The following ABCC5 variants were observed in gnomAD, a reference collection of about 807,000 sequenced individuals.
ABCC5 encodes ATP binding cassette subfamily C member 5.
A neutral mutation model predicts 160.9 loss-of-function variants in ABCC5; 61 were observed. The observed-to-expected ratio is 0.38, with a 90% CI of 0.31 to 0.47. ABCC5 has a LOEUF of 0.47. ABCC5 is among the 20% of genes least tolerant of loss of function. ABCC5 has a pLI of 0.99. For missense variants in ABCC5, 1,308 were observed against 1,813.3 expected, an observed-to-expected ratio of 0.72 and a Z score of 5.06; for synonymous variants, 666 against 700.6, an observed-to-expected ratio of 0.95 and a Z score of 0.78.
intron 14 of ABCC5, 118 bp downstream of exon 14, chr3:183,965,067 G>A: frequency 1.0e-6 from 1 of 1,000,230 alleles, no homozygotes; most frequent in Non-Finnish European, 1.5e-6. Context: ...AAGGCCTAAT[G>A]ACAGCCTAAC....
rs61449343 is a variant in ABCC5 at position 183,931,324 on chromosome 3, CT to C, written c.3855-2500del. On this transcript the variant is annotated intron_variant, in intron 26 of 29. Transcript: ENST00000334444. ...TGGGCAAATACGACAACAGGCTTAA[CT>C]TTTTTTTTTTTTTTTTTTTGAGACA... Among the ~76,000 whole-genome samples the C allele has an allele frequency of 4.5e-3, 597 of 131,508 alleles. 1 individual carries two copies. The highest frequency in any genetic ancestry group is 0.011 in the African/African-American group (406 of 35,336). 86.3% of individuals were successfully genotyped at this position (131,508 alleles called of 152,430 possible).
intron 8 of ABCC5, 112 bp from the exon 9 acceptor site, chr3:183,978,763 T>G: frequency 8.5e-7 from 1 of 1,174,024 alleles, no homozygotes. Flanking sequence ...TCAACACCTA[T>G]GACTATCAAC....
At chr3:183,947,854 G>C (rs1348946736) in intron 22 of ABCC5, among the ~76,000 whole-genome samples, 1 of 152,166 alleles carries the variant, frequency 6.6e-6, no homozygotes, top group African/African-American at 2.4e-5. Flanking sequence ...AATATCTTAG[G>C]TCAGAAGGCA....
At chr3:183,984,761 C>G in intron 5 of ABCC5, 1 of 1,540,712 alleles carries the variant, frequency 6.5e-7, no homozygotes, top group Middle Eastern at 1.7e-4. Flanking sequence ...TTCCAGTATG[C>G]AATCCAAAAT....
chr3:183,925,840 C>CT (rs1208671884), intron 28 of ABCC5, 121 bp from the exon 29 acceptor site: 82,948 of 699,190 alleles, frequency 0.12, 2,264 homozygotes, highest in African/African-American at 0.33. Flanking sequence ...TCTTTTCTTT[C>CT]TTTTTTTTTT....
rs773043391 is a variant in ABCC5, at chr3:183,963,438, T to C, written c.2182A>G (p.Ile728Val). 1.7e-5 allele frequency: 27 copies of C among 1,614,098 alleles called. No homozygotes were observed. Among genetic ancestry groups the C allele is most frequent in the Non-Finnish European group, 2.3e-5 (27 of 1,180,050 alleles). ...HVGNHIFNSA[I>V]RKHLKSKTVL... ...GTCTTGGACTTGAGATGTTTCCGGA[T>C]AGCACTATTGAAGATGTGGTTGCCC... is the stretch of plus-strand genomic sequence containing the variant. Residue 728 changes from isoleucine to valine, a missense_variant, in exon 15 of 30, where the codon ATC becomes GTC. Around this residue, in one of 3 missense-constraint regions of ABCC5, gnomAD observed 1,142 missense variants for 1,527.1 expected, o/e 0.75. Transcript: ENST00000334444. The surrounding 1 kb of genome is among the most constrained non-coding windows in gnomAD (Gnocchi z 4.6).
At chr3:184,013,311 A>G (rs1396116635) in intron 2 of ABCC5, among the ~76,000 whole-genome samples, 1 of 152,094 alleles carries the variant, frequency 6.6e-6, no homozygotes, top group African/African-American at 2.4e-5. Flanking sequence ...GCTGGAGTGC[A>G]GTGGCGTGAT....
intron 9 of ABCC5, 120 bp from the exon 10 acceptor site, chr3:183,977,744 ACAAGT>A (rs1718347685): frequency 4.5e-6 from 3 of 660,776 alleles, no homozygotes; most frequent in African/African-American, 3.7e-5. Context: ...AGCTGTTATT[ACAAGT>A]CAATTACATT....
chr3:183,963,728 C>A lies in ABCC5; in HGVS notation c.2032-140G>T. ...CCGCAGATGAACTGCCATGCTGATT[C>A]CCCGCAGATGAACTGCCATGCTGAT... On this transcript the variant is annotated intron_variant, in intron 14 of 29. Coordinates refer to ENST00000334444, the MANE Select transcript of ABCC5 (RefSeq NM_005688.4). This position sits in a 1 kb window ranked among gnomAD's most constrained non-coding sequence, Gnocchi z 4.6. 1.3e-6 allele frequency: 1 copy of A among 785,434 alleles called. No individual in the cohort carries two copies. The highest frequency in any genetic ancestry group is 2.0e-6 in the Non-Finnish European group (1 of 500,898). The allele number at this position is 785,434 out of a possible 1,614,324, so 48.7% of individuals were successfully genotyped here. A position where few individuals can be genotyped will look rare whatever the true frequency, so the allele number is the denominator to read the frequency against.
chr3:184,009,788 G>A (rs1244975960), intron 2 of ABCC5: 1 of 223,108 alleles, frequency 4.5e-6, no homozygotes, highest in Non-Finnish European at 9.4e-6. Context: ...TAGAATAAAA[G>A]AAATCTTTTA....
rs549313950 is a variant in ABCC5 at position 183,935,788 on chromosome 3, C to T, written c.3854+2113G>A. Among the ~76,000 whole-genome samples the T allele has an allele frequency of 1.5e-3, 234 of 152,366 alleles. 2 individuals carry two copies. The highest frequency in any genetic ancestry group is 5.0e-3 in the African/African-American group (208 of 41,590). On this transcript the variant is annotated intron_variant, in intron 26 of 29. Coordinates refer to ENST00000334444, the MANE Select transcript of ABCC5 (RefSeq NM_005688.4). Reference sequence around the variant, plus strand: ...AAGTGCTGGCATTACAGGCGTGAGCCACCACGCCTGACCAATAAATTCTAA... The same window carrying T: ...AAGTGCTGGCATTACAGGCGTGAGCTACCACGCCTGACCAATAAATTCTAA...
intron 5 of ABCC5, chr3:183,985,535 C>T (rs528790302): frequency 9.2e-6 from 7 of 761,244 alleles, no homozygotes; most frequent in African/African-American, 1.7e-5. Flanking sequence ...AAAAGGCCCT[C>T]GAGCAGAGTT....
rs1044516082 is a variant in ABCC5, at chr3:183,928,673, G to A, written c.3933+74C>T. The A allele has an allele frequency of 1.8e-5, 24 of 1,354,244 alleles. No homozygotes were observed. In the African/African-American group the frequency reaches 3.0e-4, roughly 17 times the overall value. 83.9% of individuals were successfully genotyped at this position (1,354,244 alleles called of 1,614,324 possible). On this transcript the variant is annotated intron_variant, in intron 27 of 29. Coordinates refer to ENST00000334444, the MANE Select transcript of ABCC5 (RefSeq NM_005688.4). The stretch of plus-strand genomic sequence containing the variant: ...TCCTGGAGGCACGGCCAGAGCAGAC[G>A]GGGTGTGGCAAGGGCACTGCTGTGC...
At chr3:183,956,627 G>T (rs2108806601) in intron 17 of ABCC5, among the ~76,000 whole-genome samples, 1 of 148,824 alleles carries the variant, frequency 6.7e-6, no homozygotes, top group Non-Finnish European at 1.5e-5. Flanking sequence ...GTTACATGCA[G>T]ATCCGTGTGT....
chr3:183,951,654 C>T lies in ABCC5; in HGVS notation c.2815-84G>A, dbSNP rs1166699966. ...AGAGAACCGCTCCGCAGCACATCCACTCCCAAAGCGGGGAGGTGTGAGGGG... is the reference window on the plus strand; with the variant it reads ...AGAGAACCGCTCCGCAGCACATCCATTCCCAAAGCGGGGAGGTGTGAGGGG... On this transcript the variant is annotated intron_variant, in intron 19 of 29. Transcript: ENST00000334444. The surrounding 1 kb of genome is among the most constrained non-coding windows in gnomAD (Gnocchi z 4.7). 2 of 1,554,684 alleles carry T rather than the reference C, an allele frequency of 1.3e-6. No homozygotes were observed.
chr3:184,007,797 A>G (rs984994829), intron 2 of ABCC5, among the ~76,000 whole-genome samples: 22 of 152,192 alleles, frequency 1.4e-4, no homozygotes, highest in Admixed American at 1.2e-3. Context: ...ACTGCCCTCT[A>G]GCCTGGGCTA....
intron 2 of ABCC5, among the ~76,000 whole-genome samples, chr3:184,001,590 A>G (rs1222696738): frequency 1.3e-5 from 2 of 152,184 alleles, no homozygotes; most frequent in African/African-American, 2.4e-5. Flanking sequence ...TCTAGCAGGT[A>G]AAGTCCAGGG....
Position 183,949,811 on chromosome 3 carries a change from T to C in ABCC5, c.3169A>G (p.Ser1057Gly), listed in dbSNP as rs1263085394. The change falls in exon 22 of 30, where the codon AGC becomes GGC. Residue 1057 changes from serine (S) to glycine (G), a missense_variant. Physicochemically the swap from Ser to Gly is moderately conservative, Grantham distance 56. This residue lies in a region of ABCC5 where 1,142 missense variants were observed against 1,527.1 expected (regional missense o/e 0.75). Transcript: ENST00000334444. The surrounding 1 kb of genome is among the most constrained non-coding windows in gnomAD (Gnocchi z 4.2). ...QSPFLSHITS[S>G]IQGLATIHAY... is the part of the protein sequence containing the mutation. ...TGGATGGTGGCAAGGCCCTGTATGC[T>C]GGACGTGATGTGGGAGAGGAAAGGT... 1 of 1,614,204 alleles carries C rather than the reference T, an allele frequency of 6.2e-7. No homozygotes were observed. Among genetic ancestry groups the C allele is most frequent in the Admixed American group, 1.7e-5 (1 of 60,020 alleles).
chr3:183,999,222 G>T (rs1234273920), intron 2 of ABCC5, among the ~76,000 whole-genome samples: 1 of 151,312 alleles, frequency 6.6e-6, no homozygotes, highest in South Asian at 2.1e-4. Flanking sequence ...TCCTCTCTAG[G>T]CTTCCTAAAA....
Sources: gnomAD v4.1 joint callset for allele counts (sites outside exome capture counted in the v4.1 genomes callset) on GRCh38, gnomAD v4.1.1 for gene constraint, gnomAD v4.1.1 regional missense constraint, Gnocchi (gnomAD v3.1) non-coding constraint, MANE v1.5 for transcripts, NCBI Gene and HGNC (gene_info 2026-07-23, HGNC 2026-07-21) for gene names.